The following ADAMTSL1 variants were observed in gnomAD, a reference collection of about 807,000 sequenced individuals.
ADAMTSL1 encodes the protein ADAMTS like 1, also known as ADAMTS-like protein 1.
In ADAMTSL1, 126 loss-of-function variants were observed where a neutral mutation model predicts 201.8. The observed-to-expected ratio is 0.62, with a 90% CI of 0.54 to 0.72. ADAMTSL1 has a LOEUF of 0.72. Ranked by LOEUF, ADAMTSL1 falls within the 30% of genes least tolerant of loss-of-function variation. The pLI is 0.00. For missense variants in ADAMTSL1, 2,679 were observed against 2,277.8 expected (o/e 1.18, Z -3.59); for synonymous variants, 1,121 against 903.4 (o/e 1.24, Z -4.32).
intron 2 of ADAMTSL1, among the ~76,000 whole-genome samples, chr9:18,462,619 C>T (rs1820849549): frequency 6.6e-6 from 1 of 151,994 alleles, no homozygotes; most frequent in African/African-American, 2.4e-5. Flanking sequence ...GATATATGAG[C>T]AATCAAAAGG....
intron 2 of ADAMTSL1, among the ~76,000 whole-genome samples, chr9:18,189,658 T>C (rs1828888103): frequency 6.6e-6 from 1 of 152,172 alleles, no homozygotes; most frequent in Admixed American, 6.6e-5. Flanking sequence ...CCTGCAACTG[T>C]ATAGGGTAAA....
rs758750714 is a variant in ADAMTSL1, at chr9:18,777,526, C to A, written c.3297C>A (p.His1099Gln). The change falls in exon 19 of 29, where the codon CAC becomes CAA. Residue 1099 changes from histidine to glutamine, a missense_variant. Physicochemically the swap from His to Gln is conservative, Grantham distance 24 (BLOSUM62 0). Coordinates refer to ENST00000380548, the MANE Select transcript of ADAMTSL1 (RefSeq NM_001040272.6). ...PEELRDLYSK[H>Q]LVAQLAQEIF... is the part of the protein sequence containing the mutation. ...AGCTGCGCGACCTCTACAGCAAGCA[C>A]CTGGTGGCCCAGCTGGCCCAGGAGA... 1 of 1,602,200 alleles carries A rather than the reference C, an allele frequency of 6.2e-7. No individual in the cohort carries two copies.
intron 9 of ADAMTSL1, among the ~76,000 whole-genome samples, chr9:18,671,204 G>A (rs1829788921): frequency 6.6e-6 from 1 of 152,172 alleles, no homozygotes; most frequent in African/African-American, 2.4e-5. Flanking sequence ...GTGAGGAGAG[G>A]AGTTAGTATT....
intron 2 of ADAMTSL1, among the ~76,000 whole-genome samples, chr9:18,305,985 T>G (rs755837603): frequency 6.6e-5 from 10 of 152,106 alleles, no homozygotes; most frequent in Non-Finnish European, 1.5e-4. Context: ...CAGGTGCCCC[T>G]CTGGGACAAA....
intron 1 of ADAMTSL1, among the ~76,000 whole-genome samples, chr9:17,925,059 C>A (rs1168530684): frequency 1.1e-5 from 1 of 88,616 alleles, no homozygotes; most frequent in Non-Finnish European, 2.4e-5. Flanking sequence ...TGAACAGACA[C>A]TTCTCAAAAG....
intron 1 of ADAMTSL1, among the ~76,000 whole-genome samples, chr9:17,911,624 G>T (rs1825902116): frequency 1.5e-5 from 1 of 68,412 alleles, no homozygotes; most frequent in African/African-American, 2.9e-5. Flanking sequence ...CTTCCTGGTT[G>T]GCTGGAAAGA....
intron 2 of ADAMTSL1, among the ~76,000 whole-genome samples, chr9:18,288,320 G>C (rs745913212): frequency 6.6e-6 from 1 of 152,116 alleles, no homozygotes; most frequent in East Asian, 1.9e-4. Context: ...GCACCATCTG[G>C]AGAAATCCTC....
intron 2 of ADAMTSL1, among the ~76,000 whole-genome samples, chr9:18,282,384 G>A (rs1302413173): frequency 6.6e-6 from 1 of 152,190 alleles, no homozygotes; most frequent in Admixed American, 6.5e-5. Context: ...ACAAGTGCAG[G>A]AGGTATCTTC....
chr9:18,523,004 A>T (rs1443073065), intron 2 of ADAMTSL1, among the ~76,000 whole-genome samples: 1 of 152,180 alleles, frequency 6.6e-6, no homozygotes, highest in Non-Finnish European at 1.5e-5. Flanking sequence ...TAGATCCTTG[A>T]GGAATCGCCA....
At chr9:18,726,897 C>T (rs562851459) in intron 15 of ADAMTSL1, among the ~76,000 whole-genome samples, 3 of 152,224 alleles carry the variant, frequency 2.0e-5, no homozygotes, top group South Asian at 4.1e-4. Flanking sequence ...TGCCCTCCCC[C>T]TGCCCCAGCC....
intron 4 of ADAMTSL1, among the ~76,000 whole-genome samples, chr9:18,601,869 G>A (rs1285201800): frequency 2.0e-5 from 3 of 151,822 alleles, no homozygotes; most frequent in Admixed American, 2.0e-4. Flanking sequence ...AGCTTCTGAT[G>A]TATAGTAAAA....
In ADAMTSL1 at chr9:18,816,720, CTTTTTTTTTTTT is replaced by C. The variant is rs751791974; in HGVS notation, c.3806-372_3806-361del. ...GTCTTCAAACTCTTCAACCCTTGGT[CTTTTTTTTTTTT>C]TTTTTTTTTTTTTTTTGCAAGTTGT... On this transcript the variant is annotated intron_variant, in intron 20 of 28. Coordinates refer to ENST00000380548, the MANE Select transcript of ADAMTSL1 (RefSeq NM_001040272.6). 7.5e-4 allele frequency among the ~76,000 whole-genome samples: 30 copies of C among 39,754 alleles called. 2 individuals are homozygous for C. Among genetic ancestry groups the C allele is most frequent in the Admixed American group, 3.1e-3 (9 of 2,892 alleles). The allele number at this position is 39,754 out of a possible 152,430, so 26.1% of individuals were successfully genotyped here.
chr9:18,118,281 C>A (rs1238042088), intron 1 of ADAMTSL1, among the ~76,000 whole-genome samples: 1 of 152,174 alleles, frequency 6.6e-6, no homozygotes, highest in Admixed American at 6.5e-5. Flanking sequence ...AGGATTCCAA[C>A]CTTGCCTAAG....
At chr9:18,041,195 C>T (rs528551671) in intron 1 of ADAMTSL1, among the ~76,000 whole-genome samples, 2 of 152,310 alleles carry the variant, frequency 1.3e-5, no homozygotes, top group African/African-American at 4.8e-5. Flanking sequence ...GTACCCTCAT[C>T]ATCACTCTGT....
At position 18,353,042 on chromosome 9, in the gene ADAMTSL1, C is replaced by T. The variant is rs189109869; in HGVS notation, c.208-151787C>T. ...GTGTTAGCATGATATGCCCACTGAG[C>T]GCTCCTAAAGCATTAAGTCCCCCAT... On this transcript the variant is annotated intron_variant, in intron 2 of 29. Coordinates refer to the ADAMTSL1 transcript ENST00000680146. Among the ~76,000 whole-genome samples the T allele has an allele frequency of 1.3e-4, 20 of 152,264 alleles. No homozygotes were observed. The East Asian group carries it at 3.1e-3, about 24-fold the overall frequency.
chr9:18,239,297 A>G (rs1830969063), intron 2 of ADAMTSL1, among the ~76,000 whole-genome samples: 1 of 152,200 alleles, frequency 6.6e-6, no homozygotes, highest in Admixed American at 6.5e-5. Context: ...CATTTTACCC[A>G]AAACAGAACT....
chr9:18,377,399 G>A (rs1699565406), intron 2 of ADAMTSL1, among the ~76,000 whole-genome samples: 2 of 152,126 alleles, frequency 1.3e-5, no homozygotes, highest in Admixed American at 1.3e-4. Context: ...TCCAGATATC[G>A]AGATCTTAAT....
At chr9:18,110,896 C>T (rs191647277) in intron 1 of ADAMTSL1, among the ~76,000 whole-genome samples, 47 of 152,180 alleles carry the variant, frequency 3.1e-4, no homozygotes, top group African/African-American at 1.0e-3. Context: ...TCAGTTGACT[C>T]GGGAACATTA....
intron 7 of ADAMTSL1, 68 bp from the exon 8 acceptor site, chr9:18,657,571 C>A: frequency 9.8e-6 from 12 of 1,222,910 alleles, no homozygotes; most frequent in African/African-American, 1.5e-5. Context: ...TACTCTTGTT[C>A]GAAGCTGCAA....
Sources: gnomAD v4.1 joint callset for allele counts (sites outside exome capture counted in the v4.1 genomes callset) on GRCh38, gnomAD v4.1.1 for gene constraint, MANE v1.5 for transcripts, NCBI Gene and HGNC (gene_info 2026-07-23, HGNC 2026-07-21) for gene names.